Variants in LSAMP observed in about 807,000 individuals in gnomAD.
LSAMP encodes limbic system associated membrane protein.
LSAMP carries 7 observed loss-of-function variants against 38.6 expected under a neutral mutation model. The observed-to-expected ratio is 0.18, with a 90% CI of 0.10 to 0.34. LSAMP has a LOEUF of 0.34. Ranked by LOEUF, LSAMP falls within the 10% of genes least tolerant of loss-of-function variation. LSAMP has a pLI of 1.00. For missense variants in LSAMP, 313 were observed against 420.0 expected, an observed-to-expected ratio of 0.75 and a Z score of 2.23; for synonymous variants, 154 against 166.8, an observed-to-expected ratio of 0.92 and a Z score of 0.59.
intron 1 of LSAMP, among the ~76,000 whole-genome samples, chr3:116,359,471 A>G (rs2048272829): frequency 6.6e-6 from 1 of 152,238 alleles, no homozygotes; most frequent in Non-Finnish European, 1.5e-5. Flanking sequence ...GCTGGTTCCA[A>G]TGTGTAAATG....
At chr3:116,440,828 T>C (rs1038019359) in intron 1 of LSAMP, among the ~76,000 whole-genome samples, 2 of 152,214 alleles carry the variant, frequency 1.3e-5, no homozygotes, top group Non-Finnish European at 2.9e-5. Context: ...AATTTCATGA[T>C]GGTCACAAAC....
At chr3:115,835,287 A>G (rs1398224957) in intron 6 of LSAMP, among the ~76,000 whole-genome samples, 1 of 152,190 alleles carries the variant, frequency 6.6e-6, no homozygotes, top group Non-Finnish European at 1.5e-5. Context: ...TGTTGAGTAT[A>G]ATAAGAAGTA....
At chr3:115,926,840 T>C (rs1468664443) in intron 3 of LSAMP, among the ~76,000 whole-genome samples, 1 of 152,234 alleles carries the variant, frequency 6.6e-6, no homozygotes, top group Non-Finnish European at 1.5e-5. Context: ...ATCTCCCATC[T>C]CTTCTTGACT....
At chr3:115,941,482 A>T (rs576014417) in intron 3 of LSAMP, among the ~76,000 whole-genome samples, 1 of 152,282 alleles carries the variant, frequency 6.6e-6, no homozygotes, top group East Asian at 1.9e-4. Flanking sequence ...CGCCATGTTC[A>T]CTGCAGCATT....
Position 115,921,017 on chromosome 3 carries a change from T to C in LSAMP, c.515-68400A>G, listed in dbSNP as rs912678941. On this transcript the variant is annotated intron_variant, in intron 3 of 6. Coordinates refer to ENST00000490035, the MANE Select transcript of LSAMP (RefSeq NM_002338.5). ...TTTTGACTAATATAAATATGGCCAC[T>C]CCTGCTCTCTTTCAGTTACTATTTT... Among the ~76,000 whole-genome samples, 4 of 152,252 alleles carry C rather than the reference T, an allele frequency of 2.6e-5. No homozygotes were observed. In the East Asian group the frequency reaches 7.7e-4, roughly 29 times the overall value.
intron 1 of LSAMP, among the ~76,000 whole-genome samples, chr3:116,334,311 A>T (rs570680357): frequency 6.6e-6 from 1 of 152,268 alleles, no homozygotes; most frequent in Non-Finnish European, 1.5e-5. Flanking sequence ...AATTCTACTT[A>T]AAAATTTAAA....
At chr3:116,118,100 G>T (rs926790423) in intron 1 of LSAMP, among the ~76,000 whole-genome samples, 2 of 152,066 alleles carry the variant, frequency 1.3e-5, no homozygotes, top group Non-Finnish European at 2.9e-5. Context: ...TATTTAATAT[G>T]CATATGTCAC....
At chr3:115,898,617 A>ATATATATATATATATATATC (rs1553746027) in intron 3 of LSAMP, among the ~76,000 whole-genome samples, 1 of 149,840 alleles carries the variant, frequency 6.7e-6, no homozygotes, top group African/African-American at 2.5e-5. Context: ...ATATATATAT[A>ATATATATATATATATATATC]TATATATGCA....
intron 1 of LSAMP, among the ~76,000 whole-genome samples, chr3:116,421,386 A>G (rs1030346273): frequency 2.0e-5 from 3 of 152,102 alleles, no homozygotes; most frequent in African/African-American, 4.8e-5. Context: ...CCTGGCCAAC[A>G]TGGTGAAACC....
At chr3:115,861,875 G>C (rs1935714151) in intron 3 of LSAMP, among the ~76,000 whole-genome samples, 1 of 152,072 alleles carries the variant, frequency 6.6e-6, no homozygotes, top group Non-Finnish European at 1.5e-5. Flanking sequence ...CAAATCACTG[G>C]AGCAGGGACT....
At chr3:116,171,575 C>A (rs557090067) in intron 1 of LSAMP, among the ~76,000 whole-genome samples, 30 of 152,100 alleles carry the variant, frequency 2.0e-4, no homozygotes, top group Middle Eastern at 3.4e-3. Flanking sequence ...ATATTTTTGC[C>A]AGCAAGTATT....
chr3:116,261,002 A>T (rs1172386821), intron 1 of LSAMP, among the ~76,000 whole-genome samples: 1 of 152,194 alleles, frequency 6.6e-6, no homozygotes, highest in Admixed American at 6.5e-5. Flanking sequence ...TTTCTAAAAT[A>T]TATCCTAAGC....
At chr3:116,010,849 G>A (rs534132773) in intron 3 of LSAMP, among the ~76,000 whole-genome samples, 3 of 152,166 alleles carry the variant, frequency 2.0e-5, no homozygotes, top group African/African-American at 7.2e-5. Flanking sequence ...TTATCAGTGT[G>A]TATTTAGTTT....
intron 1 of LSAMP, among the ~76,000 whole-genome samples, chr3:116,132,442 CT>C (rs35299311): frequency 0.53 from 80,494 of 151,786 alleles, 22,487 homozygotes; most frequent in East Asian, 0.75. Context: ...TGCTCCACCC[CT>C]GAGGGATTAT....
At chr3:116,101,696 C>CCAAA (rs1167939734) in intron 1 of LSAMP, among the ~76,000 whole-genome samples, 1 of 152,048 alleles carries the variant, frequency 6.6e-6, no homozygotes, top group East Asian at 1.9e-4. Context: ...CTCTTATCAT[C>CCAAA]CAAACAGTAA....
intron 1 of LSAMP, among the ~76,000 whole-genome samples, chr3:116,158,884 C>G (rs1709818690): frequency 6.6e-6 from 1 of 152,010 alleles, no homozygotes; most frequent in South Asian, 2.1e-4. Flanking sequence ...GGAGCCCAAA[C>G]AGCCAAGGCA....
chr3:115,948,052 G>A lies in LSAMP; in HGVS notation c.514+71463C>T, dbSNP rs146584427. 5.9e-3 allele frequency among the ~76,000 whole-genome samples: 901 copies of A among 152,300 alleles called. 8 individuals carry two copies. The highest frequency in any genetic ancestry group is 0.021 in the African/African-American group (863 of 41,554). On this transcript the variant is annotated intron_variant, in intron 3 of 6. Transcript: ENST00000490035. The stretch of plus-strand genomic sequence containing the variant: ...ATAATCTTATTACCCTAGCATGAGA[G>A]TGTGCAATAAAAATCTGGGGACAAA...
chr3:116,303,301 G>T (rs4831092), intron 1 of LSAMP, among the ~76,000 whole-genome samples: 107,797 of 152,114 alleles, frequency 0.71, 41,115 homozygotes, highest in East Asian at 0.91. Context: ...GAGTTTAGAA[G>T]TGAAATTAAA....
At chr3:116,183,024 T>C (rs1302152295) in intron 1 of LSAMP, among the ~76,000 whole-genome samples, 2 of 151,902 alleles carry the variant, frequency 1.3e-5, no homozygotes, top group African/African-American at 4.8e-5. Context: ...CTTTGATCAG[T>C]ATCTCCTTTG....
Sources: gnomAD v4.1 joint callset for allele counts (sites outside exome capture counted in the v4.1 genomes callset) on GRCh38, gnomAD v4.1.1 for gene constraint, MANE v1.5 for transcripts, NCBI Gene and HGNC (gene_info 2026-07-23, HGNC 2026-07-21) for gene names.